The following EGF variants were observed in gnomAD, a reference collection of about 807,000 sequenced individuals.
The protein encoded by EGF is epidermal growth factor, also known as pro-epidermal growth factor.
A neutral mutation model predicts 143.8 loss-of-function variants in EGF; 95 were observed. The ratio of observed to expected loss-of-function variants is 0.66; its 90% CI spans 0.56 to 0.78. The LOEUF (loss-of-function observed/expected upper bound fraction) is 0.78, where lower values mean the gene tolerates loss of function less well. Among genes scored for constraint, EGF ranks in the 30% least tolerant of loss-of-function variants. The pLI is 0.00. For synonymous variants in EGF, 510 were observed against 510.5 expected (o/e 1.00, Z 0.01); for missense variants, 1,320 against 1,470.9 (o/e 0.90, Z 1.68).
At chr4:109,983,139 T>C (rs950117671) in intron 15 of EGF, among the ~76,000 whole-genome samples, 5 of 152,148 alleles carry the variant, frequency 3.3e-5, no homozygotes, top group South Asian at 4.1e-4. Context: ...AGGGTTTTGG[T>C]ATTTTACTCT....
chr4:109,980,975 G>A lies in EGF; in HGVS notation c.2371G>A (p.Gly791Ser), dbSNP rs367868554. The A allele has an allele frequency of 8.7e-5, 141 of 1,613,914 alleles. No homozygotes were observed. Among genetic ancestry groups the A allele is most frequent in the Non-Finnish European group, 1.2e-4 (139 of 1,179,950 alleles). ...TCTGGATGGTCATCAGCTGTTGGCA[G>A]GTAATATAATAAATTATGTGGCAAA... is the stretch of plus-strand genomic sequence containing the variant. ...LALDGHQLLAGGEVDLKNQVT... is the reference protein window; with the variant it reads ...LALDGHQLLASGEVDLKNQVT... The change falls in exon 15 of 24, where the codon GGT becomes AGT. Residue 791 changes from glycine (G) to serine (S), a missense_variant and splice_region_variant. Physicochemically the swap from Gly to Ser is moderately conservative, Grantham distance 56 (BLOSUM62 0). This residue lies in a region of EGF where 1,186 missense variants were observed against 1,313.7 expected (regional missense o/e 0.90). Transcript: ENST00000265171.
At chr4:109,990,634 T>C (rs1337531913) in intron 18 of EGF, among the ~76,000 whole-genome samples, 1 of 152,124 alleles carries the variant, frequency 6.6e-6, no homozygotes, top group Non-Finnish European at 1.5e-5. Flanking sequence ...GCAACAGAAA[T>C]ATATCCTCTC....
At chr4:109,968,222 T>C (rs995159338) in intron 10 of EGF, among the ~76,000 whole-genome samples, 2 of 152,296 alleles carry the variant, frequency 1.3e-5, no homozygotes, top group Non-Finnish European at 2.9e-5. Context: ...TGGCATCTGA[T>C]TGAATATAAG....
At position 109,959,686 on chromosome 4, in the gene EGF, G is replaced by A. The variant is rs560976048; in HGVS notation, c.1066+249G>A. Among the ~76,000 whole-genome samples, 9 of 152,268 alleles carry A rather than the reference G, an allele frequency of 5.9e-5. No individual in the cohort carries two copies. In the South Asian group the frequency reaches 1.2e-3, roughly 21 times the overall value. ...GTGTTTCTAGATCAAACACTGAGAGGATGCTTAGGGGTTGATATAAGGCAG... is the reference window on the plus strand; with the variant it reads ...GTGTTTCTAGATCAAACACTGAGAGAATGCTTAGGGGTTGATATAAGGCAG... On this transcript the variant is annotated intron_variant, in intron 6 of 23. Transcript: ENST00000265171.
chr4:109,954,979 A>G (rs1030683320), intron 5 of EGF, among the ~76,000 whole-genome samples: 1 of 152,238 alleles, frequency 6.6e-6, no homozygotes, highest in East Asian at 1.9e-4. Context: ...TTATGTGCTA[A>G]ATATTGGGGA....
At chr4:109,953,173 TG>T (rs1334822118) in intron 5 of EGF, among the ~76,000 whole-genome samples, 2 of 152,232 alleles carry the variant, frequency 1.3e-5, no homozygotes, top group Non-Finnish European at 2.9e-5. Flanking sequence ...GCTTCCCCTT[TG>T]TACCACATTA....
chr4:109,975,450 T>C (rs1295133984), intron 12 of EGF, among the ~76,000 whole-genome samples: 1 of 152,230 alleles, frequency 6.6e-6, no homozygotes, highest in Non-Finnish European at 1.5e-5. Context: ...CGTAACCATT[T>C]CTAAATAGGC....
chr4:110,010,236 C>T (rs11569135), intron 23 of EGF, among the ~76,000 whole-genome samples: 1 of 152,022 alleles, frequency 6.6e-6, no homozygotes, highest in South Asian at 2.1e-4. Flanking sequence ...TCCAGTGAGA[C>T]TCCATCTCAA....
chr4:109,974,574 G>C (rs1748182825), intron 11 of EGF, 129 bp from the exon 12 acceptor site: 6 of 699,752 alleles, frequency 8.6e-6, no homozygotes, highest in Non-Finnish European at 1.5e-5. Context: ...AAGAGATAGG[G>C]AGAGAGAAAC....
intron 1 of EGF, among the ~76,000 whole-genome samples, chr4:109,922,482 A>T (rs1737972966): frequency 6.6e-6 from 1 of 151,738 alleles, no homozygotes; most frequent in African/African-American, 2.4e-5. Context: ...CTTTAACATG[A>T]GCTATGTTGA....
In EGF at chr4:109,980,971, G is replaced by T; in HGVS notation, c.2367G>T (p.Leu789Phe). ...TGGCTCTGGATGGTCATCAGCTGTT[G>T]GCAGGTAATATAATAAATTATGTGG... ...TCLALDGHQLLAGGEVDLKNQ... is the reference protein window; with the variant it reads ...TCLALDGHQLFAGGEVDLKNQ... Residue 789 changes from leucine to phenylalanine, a missense_variant, in exon 15 of 24, where the codon TTG (leucine) becomes TTT (phenylalanine). Physicochemically the swap from Leu to Phe is conservative, Grantham distance 22. Transcript: ENST00000265171. The T allele has an allele frequency of 6.2e-7, 1 of 1,614,072 alleles. No homozygotes were observed. The highest frequency in any genetic ancestry group is 1.7e-4 in the Middle Eastern group (1 of 6,060).
intron 1 of EGF, among the ~76,000 whole-genome samples, chr4:109,931,788 A>G (rs976551996): frequency 1.3e-5 from 2 of 152,256 alleles, no homozygotes; most frequent in Non-Finnish European, 2.9e-5. Flanking sequence ...ATTATTTTAA[A>G]CAAACAATTT....
intron 6 of EGF, among the ~76,000 whole-genome samples, chr4:109,960,112 A>C (rs374015838): frequency 8.5e-5 from 13 of 152,288 alleles, no homozygotes; most frequent in Admixed American, 4.6e-4. Context: ...AAGCCATGGC[A>C]TAGAGATAGT....
At chr4:109,943,102 G>A (rs573898283) in intron 2 of EGF, 152 bp from the exon 3 acceptor site, 34 of 544,946 alleles carry the variant, frequency 6.2e-5, no homozygotes, top group South Asian at 4.4e-4. Flanking sequence ...CAAAGGCACC[G>A]TATCTGTGAC....
rs11569130 is a variant in EGF at position 110,008,998 on chromosome 4, A to G, written c.3370+768A>G. 4.9e-3 allele frequency among the ~76,000 whole-genome samples: 747 copies of G among 152,318 alleles called. 5 individuals are homozygous for G. The highest frequency in any genetic ancestry group is 0.044 in the Middle Eastern group (13 of 294). ...CCTCTGCTAATGAAAGGAGCTAATG[A>G]AATATCAACTCCAATTGAATTTTCT... is the stretch of plus-strand genomic sequence containing the variant. On this transcript the variant is annotated intron_variant, in intron 23 of 23. Transcript: ENST00000265171.
intron 1 of EGF, among the ~76,000 whole-genome samples, chr4:109,919,301 CT>C (rs1737297232): frequency 2.4e-5 from 3 of 126,374 alleles, no homozygotes; most frequent in African/African-American, 3.0e-5. Context: ...CTCTCTCTCT[CT>C]CTCTCTCTCT....
At chr4:109,976,373 T>C (rs1407153944) in intron 13 of EGF, 138 bp downstream of exon 13, 1 of 791,360 alleles carries the variant, frequency 1.3e-6, no homozygotes, top group African/African-American at 1.7e-5. Flanking sequence ...CTCCAGGGAA[T>C]CATGAGCTGC....
At chr4:109,990,217 G>A (rs1486284201) in intron 18 of EGF, among the ~76,000 whole-genome samples, 2 of 152,112 alleles carry the variant, frequency 1.3e-5, no homozygotes, top group Non-Finnish European at 2.9e-5. Context: ...CCACAGTACT[G>A]GAAACCCTGA....
intron 14 of EGF, 56 bp from the exon 15 acceptor site, chr4:109,980,770 A>G: frequency 1.2e-6 from 2 of 1,608,980 alleles, no homozygotes; most frequent in South Asian, 2.2e-5. Context: ...ACTTGCATTA[A>G]TGGCATCCTT....
Sources: gnomAD v4.1 joint callset for allele counts (sites outside exome capture counted in the v4.1 genomes callset) on GRCh38, gnomAD v4.1.1 for gene constraint, gnomAD v4.1.1 regional missense constraint, MANE v1.5 for transcripts, NCBI Gene and HGNC (gene_info 2026-07-23, HGNC 2026-07-21) for gene names.